The following CFAP20DC variants were observed in gnomAD, a reference collection of about 807,000 sequenced individuals.
CFAP20DC encodes the protein protein CFAP20DC.
In CFAP20DC, 84 loss-of-function variants were observed where a neutral mutation model predicts 101.7. The ratio of observed to expected loss-of-function variants is 0.83; its 90% CI spans 0.69 to 0.99. The LOEUF is 0.99. Among genes scored for constraint, CFAP20DC ranks in the 50% least tolerant of loss-of-function variants. CFAP20DC has a pLI of 0.00. For missense variants in CFAP20DC, 1,007 were observed against 970.3 expected, an observed-to-expected ratio of 1.04 and a Z score of -0.50; for synonymous variants, 359 against 351.2, an observed-to-expected ratio of 1.02 and a Z score of -0.25.
chr3:58,961,245 G>A (rs1271125356), intron 4 of CFAP20DC, among the ~76,000 whole-genome samples: 1 of 152,174 alleles, frequency 6.6e-6, no homozygotes. Flanking sequence ...GATAATAGCG[G>A]TCTCATAATG....
At chr3:58,955,705 G>A (rs2090565843) in intron 4 of CFAP20DC, among the ~76,000 whole-genome samples, 2 of 151,954 alleles carry the variant, frequency 1.3e-5, no homozygotes, top group Admixed American at 6.6e-5. Context: ...AACTGGGGGG[G>A]CATGTGACCT....
rs899284194 is a variant in CFAP20DC at position 58,722,703 on chromosome 3, T to C, written c.198-5075A>G. On this transcript the variant is annotated intron_variant, in intron 3 of 3. Coordinates refer to the CFAP20DC transcript ENST00000486145. This position sits in a 1 kb window ranked among gnomAD's most constrained non-coding sequence, Gnocchi z 4.5. Reference sequence around the variant, plus strand: ...TGACTGTGATTTTCTGCCCGAGTCCTTATTTAATTGTTATTTTGGGATCAG... The same window carrying C: ...TGACTGTGATTTTCTGCCCGAGTCCCTATTTAATTGTTATTTTGGGATCAG... Among the ~76,000 whole-genome samples the C allele has an allele frequency of 1.6e-4, 24 of 152,210 alleles. No individual in the cohort carries two copies. The highest frequency in any genetic ancestry group is 5.8e-4 in the African/African-American group (24 of 41,454).
rs2067585735 is a variant in CFAP20DC at position 58,728,362 on chromosome 3, A to C, written c.198-10734T>G. Among the ~76,000 whole-genome samples, 1 of 152,260 alleles carries C rather than the reference A, an allele frequency of 6.6e-6. No individual in the cohort carries two copies. Among genetic ancestry groups the C allele is most frequent in the South Asian group, 2.1e-4 (1 of 4,836 alleles). ...TATTAGAGAAATAGCTGGCTAAATGAATAGATTCCTGAAAGTTGGTTGTTC... is the reference window on the plus strand; with the variant it reads ...TATTAGAGAAATAGCTGGCTAAATGCATAGATTCCTGAAAGTTGGTTGTTC... On this transcript the variant is annotated intron_variant, in intron 3 of 3. Coordinates refer to the CFAP20DC transcript ENST00000486145. This position sits in a 1 kb window ranked among gnomAD's most constrained non-coding sequence, Gnocchi z 4.7.
intron 15 of CFAP20DC, among the ~76,000 whole-genome samples, chr3:58,754,219 C>T (rs754641563): frequency 1.3e-5 from 2 of 152,122 alleles, no homozygotes; most frequent in Admixed American, 1.3e-4. Flanking sequence ...GGTAAGAAAG[C>T]GTGACAAAGT....
At chr3:58,816,559 A>T (rs1316907395) in intron 14 of CFAP20DC, among the ~76,000 whole-genome samples, 4 of 152,174 alleles carry the variant, frequency 2.6e-5, no homozygotes, top group Admixed American at 2.6e-4. Flanking sequence ...GGTGACTCCC[A>T]CCCGAATATT....
At chr3:58,891,199 G>A (rs1236790889) in intron 6 of CFAP20DC, among the ~76,000 whole-genome samples, 1 of 152,038 alleles carries the variant, frequency 6.6e-6, no homozygotes, top group African/African-American at 2.4e-5. Context: ...GAGGCTGGCG[G>A]ATCACTCGCG....
chr3:58,964,982 ATTCATT>A lies in CFAP20DC; in HGVS notation c.279-27226_279-27221del, dbSNP rs1385766724. Among the ~76,000 whole-genome samples the A allele has an allele frequency of 1.3e-5, 2 of 152,148 alleles. No individual in the cohort carries two copies. Among genetic ancestry groups the A allele is most frequent in the Non-Finnish European group, 2.9e-5 (2 of 68,028 alleles). On this transcript the variant is annotated intron_variant, in intron 4 of 16. Transcript: ENST00000482387. The surrounding 1 kb of genome is among the most constrained non-coding windows in gnomAD (Gnocchi z 4.1). ...CACATACTCACATCTTTGGAATTTA[ATTCATT>A]TTCATTTTCATTTCTTTGCTTACCA...
intron 4 of CFAP20DC, among the ~76,000 whole-genome samples, chr3:59,023,919 A>G (rs2093848367): frequency 6.6e-6 from 1 of 152,090 alleles, no homozygotes; most frequent in African/African-American, 2.4e-5. Flanking sequence ...TATTTACGTA[A>G]AACATATAAA....
chr3:58,931,666 T>C (rs933655800), intron 5 of CFAP20DC, among the ~76,000 whole-genome samples: 2 of 152,114 alleles, frequency 1.3e-5, no homozygotes, highest in Admixed American at 6.5e-5. Context: ...GCAAATAGGG[T>C]CTGGAGTGGA....
intron 7 of CFAP20DC, among the ~76,000 whole-genome samples, chr3:58,875,613 A>T (rs1473364791): frequency 6.6e-6 from 1 of 152,064 alleles, no homozygotes; most frequent in African/African-American, 2.4e-5. Context: ...ATGTTTTTTC[A>T]TATTCTTTCT....
In CFAP20DC at chr3:58,819,970, A is replaced by T. The variant is rs1431314271; in HGVS notation, c.2175+11716T>A. 1.5e-3 allele frequency among the ~76,000 whole-genome samples: 205 copies of T among 133,776 alleles called. 1 individual carries two copies. Among genetic ancestry groups the T allele is most frequent in the African/African-American group, 5.6e-3 (194 of 34,854 alleles). The allele number at this position is 133,776 out of a possible 152,430, so 87.8% of individuals were successfully genotyped here. The stretch of plus-strand genomic sequence containing the variant: ...TGATCAAGTGGGCTTCATCCCTGGG[A>T]TGCAAGGCTGGTTCAATATACGCAA... On this transcript the variant is annotated intron_variant, in intron 14 of 16. Coordinates refer to ENST00000482387, the MANE Select transcript of CFAP20DC (RefSeq NM_001394063.1).
At position 58,849,412 on chromosome 3, in the gene CFAP20DC, A is replaced by G; in HGVS notation, c.1594-3T>C. 8 of 1,499,142 alleles carry G rather than the reference A, an allele frequency of 5.3e-6. No homozygotes were observed. The highest frequency in any genetic ancestry group is 7.1e-6 in the Non-Finnish European group (8 of 1,132,028). 92.9% of individuals were successfully genotyped at this position (1,499,142 alleles called of 1,614,324 possible). On this transcript the variant is annotated splice_region_variant and splice_polypyrimidine_tract_variant and intron_variant, in intron 12 of 16. Transcript: ENST00000482387. ...GAACCCTGGATACTGTGGTTACCCT[A>G]TGTTGGGGAACAAAGTAAAAATAAT...
chr3:58,774,905 C>T (rs1347421705), intron 15 of CFAP20DC, among the ~76,000 whole-genome samples: 1 of 152,136 alleles, frequency 6.6e-6, no homozygotes, highest in Non-Finnish European at 1.5e-5. Context: ...AACAGCAATT[C>T]TCAATCTTTT....
intron 15 of CFAP20DC, among the ~76,000 whole-genome samples, chr3:58,776,932 G>A (rs1476113836): frequency 6.6e-6 from 1 of 151,886 alleles, no homozygotes; most frequent in Non-Finnish European, 1.5e-5. Context: ...CTTCCACTGT[G>A]GGAGTGTGAA....
intron 4 of CFAP20DC, chr3:59,018,626 C>T (rs1220247987): frequency 3.3e-5 from 5 of 152,068 alleles, no homozygotes; most frequent in Admixed American, 2.0e-4. Context: ...AATAACTGAC[C>T]TGTACTTTTC....
chr3:58,890,359 C>G (rs1289133592), intron 6 of CFAP20DC, among the ~76,000 whole-genome samples: 12 of 140,908 alleles, frequency 8.5e-5, no homozygotes, highest in Non-Finnish European at 1.4e-4. Context: ...GGCAGAGGGG[C>G]TCCTCACTTC....
intron 14 of CFAP20DC, among the ~76,000 whole-genome samples, chr3:58,809,909 G>A (rs957255188): frequency 1.3e-5 from 2 of 151,960 alleles, no homozygotes; most frequent in African/African-American, 4.8e-5. Context: ...CTACCATCAG[G>A]GAATAGTACA....
intron 15 of CFAP20DC, among the ~76,000 whole-genome samples, chr3:58,762,210 TCTGGGTGCTC>T (rs1313842095): frequency 6.6e-6 from 1 of 152,046 alleles, no homozygotes; most frequent in Non-Finnish European, 1.5e-5. Flanking sequence ...GCTTTATGAA[TCTGGGTGCTC>T]CTGTATTGGG....
At chr3:59,027,172 A>T (rs959681958) in intron 4 of CFAP20DC, among the ~76,000 whole-genome samples, 1 of 152,114 alleles carries the variant, frequency 6.6e-6, no homozygotes, top group African/African-American at 2.4e-5. Flanking sequence ...AAATCATCAA[A>T]CTCCATTCAG....
Sources: allele counts gnomAD v4.1 joint callset (sites outside exome capture counted in the v4.1 genomes callset), GRCh38; gene constraint gnomAD v4.1.1; non-coding constraint Gnocchi (gnomAD v3.1); transcripts MANE v1.5; gene names NCBI Gene and HGNC (gene_info 2026-07-23, HGNC 2026-07-21).